The following MIB1 variants were observed in gnomAD, a reference collection of about 807,000 sequenced individuals.
MIB1 encodes MIB E3 ubiquitin protein ligase 1, also known as E3 ubiquitin-protein ligase MIB1.
Under a neutral mutation model 124.5 loss-of-function variants are expected in MIB1, and 278 were observed. The ratio of observed to expected loss-of-function variants is 2.23; its 90% CI spans 2.02 to 2.47. The LOEUF is 2.47. Among genes scored for constraint, MIB1 ranks in the 30% most tolerant of loss-of-function variants. The probability of loss-of-function intolerance (pLI) is 0.00; values close to 1 mark genes in which losing one functional copy is unlikely to be tolerated. For synonymous variants in MIB1, 446 were observed against 429.4 expected (o/e 1.04, Z -0.48); for missense variants, 957 against 1,254.4 (o/e 0.76, Z 3.58).
rs139495449 is a variant in MIB1, at chr18:21,759,240, T to C, written c.230-6532T>C. ...GTGTATATATATGTGTATATATATA[T>C]ATGTATATATATATTTTTTTGAGAC... On this transcript the variant is annotated intron_variant, in intron 1 of 20. Coordinates refer to ENST00000261537, the MANE Select transcript of MIB1 (RefSeq NM_020774.4). 2.0e-3 allele frequency among the ~76,000 whole-genome samples: 301 copies of C among 151,114 alleles called. 2 individuals are homozygous for C. Among genetic ancestry groups the C allele is most frequent in the African/African-American group, 6.8e-3 (279 of 41,252 alleles).
At chr18:21,731,988 C>T (rs1446110741) in intron 1 of MIB1, among the ~76,000 whole-genome samples, 2 of 151,256 alleles carry the variant, frequency 1.3e-5, no homozygotes, top group East Asian at 3.9e-4. Context: ...CTTTTTTACA[C>T]TAAAGAAGAA....
chr18:21,823,517 T>C (rs1256761223), intron 12 of MIB1, among the ~76,000 whole-genome samples: 1 of 152,200 alleles, frequency 6.6e-6, no homozygotes, highest in African/African-American at 2.4e-5. Flanking sequence ...CTTTGAAGTC[T>C]CTATTTCAAA....
chr18:21,804,212 AG>A (rs1216581914), intron 10 of MIB1, among the ~76,000 whole-genome samples, 198 bp downstream of exon 10: 2 of 152,198 alleles, frequency 1.3e-5, no homozygotes, highest in African/African-American at 4.8e-5. Context: ...CCATAGTCCT[AG>A]GTAAAGATAG....
chr18:21,771,082 T>A (rs186210187), intron 3 of MIB1, among the ~76,000 whole-genome samples: 1 of 152,336 alleles, frequency 6.6e-6, no homozygotes, highest in Admixed American at 6.5e-5. Context: ...TTAGTGATGT[T>A]AAGATTGATG....
chr18:21,767,577 T>G (rs922358533), intron 2 of MIB1, among the ~76,000 whole-genome samples: 5 of 152,038 alleles, frequency 3.3e-5, no homozygotes, highest in East Asian at 3.9e-4. Context: ...AAATGGAGTC[T>G]CTCTCTGTTG....
chr18:21,793,348 C>T (rs1305821739), intron 7 of MIB1, among the ~76,000 whole-genome samples: 1 of 152,054 alleles, frequency 6.6e-6, no homozygotes, highest in East Asian at 1.9e-4. Flanking sequence ...GGAATAGAAA[C>T]AAAATTTAGT....
intron 2 of MIB1, among the ~76,000 whole-genome samples, chr18:21,767,571 G>A (rs963714103): frequency 6.6e-5 from 10 of 151,520 alleles, no homozygotes; most frequent in African/African-American, 2.2e-4. Flanking sequence ...TTTTTGAAAT[G>A]GAGTCTCTCT....
chr18:21,731,990 A>G (rs1009859527), intron 1 of MIB1, among the ~76,000 whole-genome samples: 3 of 151,630 alleles, frequency 2.0e-5, no homozygotes, highest in Non-Finnish European at 4.4e-5. Context: ...TTTTTACACT[A>G]AAGAAGAAGA....
At chr18:21,742,070 A>G (rs2040859878) in intron 1 of MIB1, among the ~76,000 whole-genome samples, 1 of 152,184 alleles carries the variant, frequency 6.6e-6, no homozygotes, top group South Asian at 2.1e-4. Flanking sequence ...GGAAGACACA[A>G]AGCACCGGGA....
intron 3 of MIB1, among the ~76,000 whole-genome samples, chr18:21,769,230 AG>A (rs2041198694): frequency 6.6e-6 from 1 of 152,192 alleles, no homozygotes; most frequent in African/African-American, 2.4e-5. Flanking sequence ...AGTAGGTCAA[AG>A]CAGAATATTC....
chr18:21,772,359 C>T (rs1020113524), intron 3 of MIB1, among the ~76,000 whole-genome samples: 6 of 152,112 alleles, frequency 3.9e-5, no homozygotes, highest in African/African-American at 1.4e-4. Context: ...TTGCTGTAGT[C>T]AGGTTTACTT....
intron 1 of MIB1, among the ~76,000 whole-genome samples, chr18:21,728,622 G>C (rs1751766065): frequency 6.6e-6 from 1 of 152,108 alleles, no homozygotes; most frequent in South Asian, 2.1e-4. Flanking sequence ...GCTTACACAG[G>C]GGACTTCATC....
intron 1 of MIB1, among the ~76,000 whole-genome samples, chr18:21,720,665 C>T (rs745745270): frequency 1.3e-5 from 2 of 152,008 alleles, no homozygotes; most frequent in African/African-American, 4.8e-5. Context: ...TAAGGAGTTA[C>T]AAGCCTGGCA....
intron 1 of MIB1, among the ~76,000 whole-genome samples, chr18:21,761,980 C>T (rs181585068): frequency 2.2e-3 from 332 of 152,094 alleles, no homozygotes; most frequent in African/African-American, 7.4e-3. Context: ...TGGGAGTACA[C>T]GGTGGGGGGG....
At position 21,805,147 on chromosome 18, in the gene MIB1, C is replaced by T. The variant is rs563998929; in HGVS notation, c.1479+1133C>T. On this transcript the variant is annotated intron_variant, in intron 10 of 20. Coordinates refer to ENST00000261537, the MANE Select transcript of MIB1 (RefSeq NM_020774.4). ...CATGCCTCAGCCTCCCCAGTAGCTG[C>T]GATTATAGGCGCCTGCTACCACACC... Among the ~76,000 whole-genome samples, 12 of 151,890 alleles carry T rather than the reference C, an allele frequency of 7.9e-5. No individual in the cohort carries two copies. In the East Asian group the frequency reaches 9.7e-4, roughly 12 times the overall value.
chr18:21,730,534 C>T (rs919162399), intron 1 of MIB1, among the ~76,000 whole-genome samples: 1 of 152,162 alleles, frequency 6.6e-6, no homozygotes, highest in Non-Finnish European at 1.5e-5. Context: ...CGCCACTGCA[C>T]TCCAGCCTGG....
At chr18:21,800,896 T>C (rs945598473) in intron 9 of MIB1, among the ~76,000 whole-genome samples, 1 of 152,116 alleles carries the variant, frequency 6.6e-6, no homozygotes, top group African/African-American at 2.4e-5. Context: ...GTACCAAGTA[T>C]TTTTTGTGTT....
At chr18:21,725,422 G>A (rs2040737223) in intron 1 of MIB1, among the ~76,000 whole-genome samples, 1 of 152,186 alleles carries the variant, frequency 6.6e-6, no homozygotes, top group East Asian at 1.9e-4. Flanking sequence ...GGGCAGATGA[G>A]GTTGTGGTCC....
At chr18:21,712,981 G>T (rs1230128057) in intron 1 of MIB1, among the ~76,000 whole-genome samples, 3 of 151,638 alleles carry the variant, frequency 2.0e-5, no homozygotes, top group East Asian at 1.9e-4. Context: ...TTGAGATAGG[G>T]TCTTGCTCTG....
Sources: gnomAD v4.1 joint callset for allele counts (sites outside exome capture counted in the v4.1 genomes callset) on GRCh38, gnomAD v4.1.1 for gene constraint, MANE v1.5 for transcripts, NCBI Gene and HGNC (gene_info 2026-07-23, HGNC 2026-07-21) for gene names.